Variants in SLC19A1 observed in about 807,000 individuals in gnomAD.
SLC19A1 encodes the protein solute carrier family 19 member 1.
In SLC19A1, 37 loss-of-function variants were observed where a neutral mutation model predicts 35.3. The observed-to-expected ratio is 1.05, with a 90% CI of 0.81 to 1.38. The LOEUF is 1.38. Among genes scored for constraint, SLC19A1 ranks in the 40% most tolerant of loss-of-function variants. SLC19A1 has a pLI of 0.00. For synonymous variants in SLC19A1, 460 were observed against 398.5 expected (o/e 1.15, Z -1.84); for missense variants, 831 against 826.9 (o/e 1.00, Z -0.06).
rs182230844 is a variant in SLC19A1, at chr21:45,538,114, G to C, written c.-49-106C>G. ...GCCTCCTCGCCACTCAGGACCAAAC[G>C]CCACCCTGGAGACGAATGCAGACCC... On this transcript the variant is annotated intron_variant, in intron 1 of 5. Coordinates refer to ENST00000311124, the MANE Select transcript of SLC19A1 (RefSeq NM_194255.4). The C allele has an allele frequency of 8.2e-4, 502 of 612,326 alleles. 2 individuals carry two copies. The highest frequency in any genetic ancestry group is 7.9e-3 in the African/African-American group (419 of 52,950). 37.9% of individuals were successfully genotyped at this position (612,326 alleles called of 1,614,324 possible).
upstream of SLC19A1, among the ~76,000 whole-genome samples, chr21:45,546,000 C>T (rs560291008): frequency 2.1e-4 from 32 of 152,344 alleles, no homozygotes; most frequent in African/African-American, 6.3e-4. Context: ...ACTTTTTCCA[C>T]GAGCTGACCT....
At chr21:45,546,222 C>T (rs2078414240), upstream of SLC19A1, among the ~76,000 whole-genome samples, 1 of 152,260 alleles carries the variant, frequency 6.6e-6, no homozygotes, top group South Asian at 2.1e-4. Flanking sequence ...AAGCCAGAAG[C>T]CCTGTGGCAG....
Position 45,531,672 on chromosome 21 carries a change from G to C in SLC19A1, c.666C>G (p.Thr222=). The part of the protein sequence containing the change: ...FNRDDRGRCE[T]SASELERMNP... ...TCATGCGCTCCAGCTCCGAAGCCGA[G>C]GTTTCGCACCGCCCCCGGTCGTCGC... The change falls in exon 3 of 6, where the codon ACC becomes ACG. Residue 222 remains threonine, a synonymous_variant. Transcript: ENST00000311124. 1 of 1,612,466 alleles carries C rather than the reference G, an allele frequency of 6.2e-7. No homozygotes were observed. The highest frequency in any genetic ancestry group is 1.1e-5 in the South Asian group (1 of 91,056).
At chr21:45,537,584 A>C (rs188627508) in intron 2 of SLC19A1, among the ~76,000 whole-genome samples, 187 bp downstream of exon 2, 3 of 71,630 alleles carry the variant, frequency 4.2e-5, no homozygotes, top group African/African-American at 9.1e-5. Flanking sequence ...CTATTCCAGA[A>C]GCTGCTCCCC....
intron 5 of SLC19A1, 119 bp from the exon 6 acceptor site, chr21:45,516,259 C>T: frequency 2.6e-6 from 2 of 770,024 alleles, no homozygotes; most frequent in Non-Finnish European, 4.2e-6. Flanking sequence ...ACCCTGAACA[C>T]TGCACAGCGG....
At chr21:45,560,668 G>A (rs2146519190) in intron 1 of SLC19A1, among the ~76,000 whole-genome samples, 1 of 152,370 alleles carries the variant, frequency 6.6e-6, no homozygotes, top group East Asian at 1.9e-4. Context: ...TGGGAATGAG[G>A]ATTTGAAGGA....
At chr21:45,541,694 G>A (rs922765377) in intron 1 of SLC19A1, 3 of 152,418 alleles carry the variant, frequency 2.0e-5, no homozygotes, top group Admixed American at 2.0e-4. Flanking sequence ...GCTCCAAGGG[G>A]AAGTTGCACC....
At chr21:45,510,393 C>CG, downstream of SLC19A1, 1 of 1,064,024 alleles carries the variant, frequency 9.4e-7, no homozygotes, top group Admixed American at 2.0e-5. Context: ...CCTAGGCTGG[C>CG]GACTTCAGGG....
At chr21:45,561,527 G>A (rs1374657084) in intron 1 of SLC19A1, among the ~76,000 whole-genome samples, 1 of 152,094 alleles carries the variant, frequency 6.6e-6, no homozygotes, top group African/African-American at 2.4e-5. Context: ...TTGGGAGGCT[G>A]AGGTGGGCAG....
chr21:45,559,233 C>G (rs1228404707), intron 1 of SLC19A1, among the ~76,000 whole-genome samples: 2 of 152,196 alleles, frequency 1.3e-5, no homozygotes, highest in African/African-American at 4.8e-5. Flanking sequence ...AGTCAAAAAG[C>G]ACCATGAAGA....
At chr21:45,510,511 A>AC (rs1239419872), downstream of SLC19A1, among the ~76,000 whole-genome samples, 201 of 146,266 alleles carry the variant, frequency 1.4e-3, no homozygotes, top group African/African-American at 4.4e-3. Flanking sequence ...TGGCCCCCTG[A>AC]CCCCCCGCTC....
At chr21:45,522,848 G>A (rs1158569456) in intron 5 of SLC19A1, among the ~76,000 whole-genome samples, 2 of 152,196 alleles carry the variant, frequency 1.3e-5, no homozygotes, top group African/African-American at 4.8e-5. Context: ...GCTGGGAGTA[G>A]GGTGGGCCTT....
At chr21:45,510,095 CA>C (rs766882232), downstream of SLC19A1, 1 of 1,587,966 alleles carries the variant, frequency 6.3e-7, no homozygotes, top group Non-Finnish European at 8.5e-7. Flanking sequence ...AGCCCCCTGT[CA>C]GGCGGCATGC....
chr21:45,504,819 T>TGGGCC (rs945823170), intron 3 of SLC19A1, among the ~76,000 whole-genome samples: 27 of 152,106 alleles, frequency 1.8e-4, no homozygotes, highest in Non-Finnish European at 3.5e-4. Context: ...CCTCTGCTCC[T>TGGGCC]GGGCCGGGTC....
rs1166465852 is a variant in SLC19A1, at chr21:45,537,035, T to G, written c.189+736A>C. Among the ~76,000 whole-genome samples, 3 of 152,190 alleles carry G rather than the reference T, an allele frequency of 2.0e-5. No individual in the cohort carries two copies. In the East Asian group the frequency reaches 5.8e-4, roughly 29 times the overall value. On this transcript the variant is annotated intron_variant, in intron 2 of 5. Transcript: ENST00000311124. ...GTTTCAATAAGACCCTTTGTCCTCATGGCTGAGTAAAATGAAAATTCCTTC... is the reference window on the plus strand; with the variant it reads ...GTTTCAATAAGACCCTTTGTCCTCAGGGCTGAGTAAAATGAAAATTCCTTC...
At chr21:45,549,568 T>G (rs1251952717) in intron 1 of SLC19A1, among the ~76,000 whole-genome samples, 1 of 144,126 alleles carries the variant, frequency 6.9e-6, no homozygotes, top group East Asian at 2.0e-4. Context: ...AGGCCTCAGT[T>G]GGTTACAAGG....
At position 45,537,698 on chromosome 21, in the gene SLC19A1, C is replaced by T. The variant is rs540793932; in HGVS notation, c.189+73G>A. On this transcript the variant is annotated intron_variant, in intron 2 of 5. Coordinates refer to ENST00000311124, the MANE Select transcript of SLC19A1 (RefSeq NM_194255.4). ...GGCCGCCCCCGCATCCCGGCGCCCACGTGCCTATTCCAGACGCTGCTCCCC... is the reference window on the plus strand; with the variant it reads ...GGCCGCCCCCGCATCCCGGCGCCCATGTGCCTATTCCAGACGCTGCTCCCC... 10 of 1,238,464 alleles carry T rather than the reference C, an allele frequency of 8.1e-6. No homozygotes were observed. In the East Asian group the frequency reaches 1.9e-4, roughly 24 times the overall value. The allele number at this position is 1,238,464 out of a possible 1,614,324, so 76.7% of individuals were successfully genotyped here.
upstream of SLC19A1, among the ~76,000 whole-genome samples, chr21:45,546,913 C>T (rs2078421689): frequency 6.6e-6 from 1 of 152,140 alleles, no homozygotes; most frequent in Non-Finnish European, 1.5e-5. Flanking sequence ...CTAAGCGTGA[C>T]ATTAGAAGAC....
Position 45,505,238 on chromosome 21 carries a change from C to T in SLC19A1, c.498-6626G>A, listed in dbSNP as rs556902369. 2.3e-5 allele frequency: 37 copies of T among 1,598,612 alleles called. 1 individual carries two copies. In the Middle Eastern group the frequency reaches 5.1e-4, roughly 22 times the overall value. On this transcript the variant is annotated intron_variant, in intron 3 of 4. Coordinates refer to the SLC19A1 transcript ENST00000417954. The stretch of plus-strand genomic sequence containing the variant: ...GCCAGGGCCCTCCCGGCCCCCCAGG[C>T]CCCCCAGGGCCCCCTTCATTTCCTG...
Sources: gnomAD v4.1 joint callset for allele counts (sites outside exome capture counted in the v4.1 genomes callset) on GRCh38, gnomAD v4.1.1 for gene constraint, MANE v1.5 for transcripts, NCBI Gene and HGNC (gene_info 2026-07-23, HGNC 2026-07-21) for gene names.